Variants in RASAL2 observed in about 807,000 individuals in gnomAD.
The protein encoded by RASAL2 is ras GTPase-activating protein nGAP.
Under a neutral mutation model 128.9 loss-of-function variants are expected in RASAL2, and 58 were observed. The ratio of observed to expected loss-of-function variants is 0.45; its 90% CI spans 0.36 to 0.56. The LOEUF (loss-of-function observed/expected upper bound fraction) is 0.56. RASAL2 is among the 20% of genes least tolerant of loss of function. RASAL2 has a pLI of 0.00. For synonymous variants in RASAL2, 561 were observed against 580.8 expected (o/e 0.97, Z 0.49); for missense variants, 1,360 against 1,601.6 (o/e 0.85, Z 2.57).
intron 3 of RASAL2, among the ~76,000 whole-genome samples, chr1:178,346,122 G>A (rs10913536): frequency 0.25 from 37,938 of 152,018 alleles, 7,529 homozygotes; most frequent in African/African-American, 0.55. Context: ...CTTTCATATA[G>A]TTTGCCACAT....
intron 1 of RASAL2, among the ~76,000 whole-genome samples, chr1:178,158,835 G>T (rs1211553885): frequency 2.6e-5 from 4 of 152,170 alleles, no homozygotes; most frequent in Non-Finnish European, 5.9e-5. Context: ...AAAGATATGT[G>T]CCTTGTAACT....
chr1:178,216,698 G>A (rs184134410), intron 1 of RASAL2, among the ~76,000 whole-genome samples: 8 of 152,282 alleles, frequency 5.3e-5, no homozygotes, highest in African/African-American at 1.7e-4. Context: ...GAAGTGCAGT[G>A]GCACGATCTT....
At chr1:178,386,327 C>T (rs1672563038) in intron 3 of RASAL2, among the ~76,000 whole-genome samples, 1 of 152,182 alleles carries the variant, frequency 6.6e-6, no homozygotes, top group Non-Finnish European at 1.5e-5. Context: ...ACTCATTAAT[C>T]TTGTCTTTAT....
chr1:178,216,998 G>T (rs544779017), intron 1 of RASAL2, among the ~76,000 whole-genome samples: 195 of 150,934 alleles, frequency 1.3e-3, no homozygotes, highest in South Asian at 3.2e-3. Context: ...TTTTTGAGAC[G>T]GAGTTTCGCT....
intron 1 of RASAL2, among the ~76,000 whole-genome samples, chr1:178,138,051 G>A (rs903639266): frequency 6.6e-6 from 1 of 152,168 alleles, no homozygotes; most frequent in Non-Finnish European, 1.5e-5. Flanking sequence ...GAAGCTGTCA[G>A]GAGAAGTGCC....
chr1:178,249,855 TC>T (rs567320540), intron 1 of RASAL2, among the ~76,000 whole-genome samples: 4 of 152,122 alleles, frequency 2.6e-5, no homozygotes, highest in Non-Finnish European at 5.9e-5. Flanking sequence ...TTGCTGGAGG[TC>T]CACTCCAGAC....
chr1:178,301,724 G>A (rs1055351878), intron 3 of RASAL2, among the ~76,000 whole-genome samples: 3 of 152,056 alleles, frequency 2.0e-5, no homozygotes, highest in Admixed American at 6.6e-5. Flanking sequence ...GAACCACTGC[G>A]CCCAGCCTGA....
In RASAL2 at chr1:178,363,539, A is replaced by G. The variant is rs139252497; in HGVS notation, c.458-26561A>G. 2.1e-3 allele frequency among the ~76,000 whole-genome samples: 322 copies of G among 152,338 alleles called. 1 individual carries two copies. The highest frequency in any genetic ancestry group is 7.6e-3 in the African/African-American group (315 of 41,588). ...ACCACACGTCCAAAGTTAGATTTAAATTAACATAGTTTTCATTGTAAAATT... is the reference window on the plus strand; with the variant it reads ...ACCACACGTCCAAAGTTAGATTTAAGTTAACATAGTTTTCATTGTAAAATT... On this transcript the variant is annotated intron_variant, in intron 3 of 17. Coordinates refer to ENST00000367649, the MANE Select transcript of RASAL2 (RefSeq NM_170692.4).
intron 1 of RASAL2, among the ~76,000 whole-genome samples, chr1:178,276,061 A>G (rs1666496722): frequency 6.6e-6 from 1 of 152,228 alleles, no homozygotes; most frequent in Non-Finnish European, 1.5e-5. Context: ...AACATATTGA[A>G]TGATTACTTA....
At chr1:178,158,237 A>G (rs1455428926) in intron 1 of RASAL2, among the ~76,000 whole-genome samples, 1 of 152,236 alleles carries the variant, frequency 6.6e-6, no homozygotes, top group East Asian at 1.9e-4. Context: ...GATGTGCATC[A>G]TAGTATAGCA....
At chr1:178,281,703 A>C (rs1344409016) in intron 1 of RASAL2, among the ~76,000 whole-genome samples, 2 of 152,134 alleles carry the variant, frequency 1.3e-5, no homozygotes, top group Non-Finnish European at 2.9e-5. Flanking sequence ...CAAAGTTTCT[A>C]ATTGTTTAGA....
chr1:178,094,766 C>CA (rs1299014908), intron 1 of RASAL2, 72 bp downstream of exon 1: 1 of 1,561,014 alleles, frequency 6.4e-7, no homozygotes, highest in Non-Finnish European at 8.8e-7. Context: ...TTCCCTAAGT[C>CA]ACAGGCTCAT....
intron 1 of RASAL2, among the ~76,000 whole-genome samples, chr1:178,244,375 T>C (rs1664667516): frequency 6.6e-6 from 1 of 152,172 alleles, no homozygotes; most frequent in South Asian, 2.1e-4. Context: ...CCCAAGTACC[T>C]GGGACTACAG....
chr1:178,256,373 C>T (rs929793408), intron 1 of RASAL2, among the ~76,000 whole-genome samples: 27 of 152,174 alleles, frequency 1.8e-4, no homozygotes, highest in African/African-American at 6.5e-4. Flanking sequence ...CATCAACAAA[C>T]ATCTACAGCT....
intron 1 of RASAL2, among the ~76,000 whole-genome samples, chr1:178,159,573 A>C (rs1661198300): frequency 6.6e-6 from 1 of 152,214 alleles, no homozygotes; most frequent in African/African-American, 2.4e-5. Flanking sequence ...CTCGCTTATT[A>C]GACTATTATT....
At chr1:178,472,903 C>T (rs1232078739) in intron 17 of RASAL2, among the ~76,000 whole-genome samples, 172 bp from the exon 18 acceptor site, 2 of 152,168 alleles carry the variant, frequency 1.3e-5, no homozygotes, top group Admixed American at 6.5e-5. Context: ...CCACTGGGCT[C>T]AGGGGAAGCT....
chr1:178,222,651 T>C (rs1388214279), intron 1 of RASAL2, among the ~76,000 whole-genome samples: 1 of 152,176 alleles, frequency 6.6e-6, no homozygotes, highest in Non-Finnish European at 1.5e-5. Context: ...TATGAGAATA[T>C]TTATTTTCTA....
At chr1:178,280,197 C>T (rs1330689462) in intron 1 of RASAL2, among the ~76,000 whole-genome samples, 1 of 152,030 alleles carries the variant, frequency 6.6e-6, no homozygotes, top group Non-Finnish European at 1.5e-5. Context: ...TTTCCTTTTC[C>T]AACTACATAT....
At chr1:178,414,425 A>C (rs886907900) in intron 4 of RASAL2, among the ~76,000 whole-genome samples, 2 of 152,204 alleles carry the variant, frequency 1.3e-5, no homozygotes, top group African/African-American at 4.8e-5. Flanking sequence ...AGAATGCACA[A>C]CACCAATAAC....
Sources: gnomAD v4.1 joint callset for allele counts (sites outside exome capture counted in the v4.1 genomes callset) on GRCh38, gnomAD v4.1.1 for gene constraint, MANE v1.5 for transcripts, NCBI Gene and HGNC (gene_info 2026-07-23, HGNC 2026-07-21) for gene names.